CHD9: variants seen among roughly 807,000 people sequenced by gnomAD.
The protein encoded by CHD9 is chromodomain helicase DNA binding protein 9.
Under a neutral mutation model 316.1 loss-of-function variants are expected in CHD9, and 77 were observed. The observed-to-expected ratio is 0.24, with a 90% CI of 0.20 to 0.29. CHD9 has a LOEUF of 0.29. Among genes scored for constraint, CHD9 ranks in the 10% least tolerant of loss-of-function variants. The pLI is 1.00. For synonymous variants in CHD9, 1,129 were observed against 1,158.3 expected, an observed-to-expected ratio of 0.97 and a Z score of 0.51; for missense variants, 2,763 against 3,438.1, an observed-to-expected ratio of 0.80 and a Z score of 4.91.
intron 1 of CHD9, among the ~76,000 whole-genome samples, chr16:53,061,304 T>A (rs888057271): frequency 1.3e-5 from 2 of 152,256 alleles, no homozygotes; most frequent in African/African-American, 4.8e-5. Flanking sequence ...TTCATCTGAT[T>A]TGAGTCTTTA....
chr16:53,301,146 A>G (rs1203568206), intron 30 of CHD9, among the ~76,000 whole-genome samples: 1 of 152,236 alleles, frequency 6.6e-6, no homozygotes, highest in Non-Finnish European at 1.5e-5. Context: ...AATATAAAAT[A>G]AATGGGACAA....
intron 1 of CHD9, among the ~76,000 whole-genome samples, chr16:53,096,581 G>A (rs545363939): frequency 3.3e-5 from 5 of 152,276 alleles, no homozygotes; most frequent in Admixed American, 1.3e-4. Context: ...AGTAGTAAAT[G>A]ATAGAGCCAG....
chr16:53,139,720 G>A (rs949992244), intron 1 of CHD9, among the ~76,000 whole-genome samples: 2 of 152,102 alleles, frequency 1.3e-5, no homozygotes, highest in African/African-American at 2.4e-5. Flanking sequence ...ATATTCTTTC[G>A]AAATCCTGTG....
chr16:53,165,667 A>G (rs1302078489), intron 2 of CHD9, among the ~76,000 whole-genome samples: 3 of 152,120 alleles, frequency 2.0e-5, no homozygotes, highest in Admixed American at 1.3e-4. Flanking sequence ...TTAATTTTAT[A>G]TATATTAGTT....
At chr16:53,312,632 T>A (rs1169077949) in intron 34 of CHD9, among the ~76,000 whole-genome samples, 1 of 152,180 alleles carries the variant, frequency 6.6e-6, no homozygotes, top group Admixed American at 6.5e-5. Context: ...TCTTAAGTTA[T>A]GAAAAGCATC....
At chr16:53,264,355 G>A (rs1048224281) in intron 20 of CHD9, among the ~76,000 whole-genome samples, 2 of 151,894 alleles carry the variant, frequency 1.3e-5, no homozygotes, top group African/African-American at 4.8e-5. Context: ...AGCATTTTTT[G>A]TTATAGCAAA....
intron 1 of CHD9, among the ~76,000 whole-genome samples, chr16:53,114,004 T>C (rs2038074437): frequency 1.3e-5 from 2 of 151,998 alleles, no homozygotes; most frequent in South Asian, 4.2e-4. Context: ...ACCCAACCTT[T>C]ATTAACATAT....
intron 1 of CHD9, among the ~76,000 whole-genome samples, chr16:53,093,100 A>G (rs2036091421): frequency 6.6e-6 from 1 of 152,156 alleles, no homozygotes; most frequent in Admixed American, 6.5e-5. Flanking sequence ...TTAATATTGG[A>G]TTCTTGAAGA....
rs946833566 is a variant in CHD9 at position 53,245,330 on chromosome 16, T to C, written c.3055-6T>C. The C allele has an allele frequency of 9.9e-6, 15 of 1,509,576 alleles. No individual in the cohort carries two copies. The highest frequency in any genetic ancestry group is 1.3e-5 in the Non-Finnish European group (15 of 1,131,800). The allele number at this position is 1,509,576 out of a possible 1,614,324, so 93.5% of individuals were successfully genotyped here. ...GTTTGATGTGAATTGTTCTCACTTT[T>C]TGTAGGAACACAAGGTGCTTTTGAC... On this transcript the variant is annotated splice_polypyrimidine_tract_variant and splice_region_variant and intron_variant, in intron 13 of 38. Coordinates refer to ENST00000447540, the MANE Select transcript of CHD9 (RefSeq NM_001308319.2). The surrounding 1 kb of genome is among the most constrained non-coding windows in gnomAD (Gnocchi z 4.1).
chr16:53,323,483 A>G (rs2057398696), intron 38 of CHD9, among the ~76,000 whole-genome samples: 2 of 152,354 alleles, frequency 1.3e-5, no homozygotes, highest in South Asian at 2.1e-4. Context: ...ATGGTTCCCA[A>G]TCTGCAAGTG....
At position 53,292,876 on chromosome 16, in the gene CHD9, A is replaced by T. The variant is rs547867389; in HGVS notation, c.5334A>T (p.Gln1778His). The T allele has an allele frequency of 5.0e-6, 8 of 1,613,918 alleles. No homozygotes were observed. The South Asian group carries it at 5.5e-5, about 11-fold the overall frequency. The part of the protein sequence containing the change: ...MEGDKVYWPT[Q>H]SALTTRLRRL... ...GTGATAAAGTATATTGGCCTACTCA[A>T]TCAGCTTTAACCACACGTTTGAGGC... is the stretch of plus-strand genomic sequence containing the variant. The change falls in exon 29 of 39, where the codon CAA becomes CAT. Residue 1778 changes from glutamine (Q) to histidine (H), a missense_variant. Physicochemically the swap from Gln to His is conservative, Grantham distance 24. Around this residue, in one of 15 missense-constraint regions of CHD9, gnomAD observed 183 missense variants for 258.5 expected, o/e 0.71. Coordinates refer to ENST00000447540, the MANE Select transcript of CHD9 (RefSeq NM_001308319.2).
chr16:53,207,915 G>A (rs1357786231), intron 2 of CHD9: 1 of 374,590 alleles, frequency 2.7e-6, no homozygotes, highest in Non-Finnish European at 3.7e-6. Flanking sequence ...GAGTCTAATG[G>A]AATAATAACT....
intron 29 of CHD9, among the ~76,000 whole-genome samples, chr16:53,294,250 G>A (rs1300017979): frequency 6.6e-6 from 1 of 152,084 alleles, no homozygotes; most frequent in Admixed American, 6.5e-5. Context: ...TGTTACCCGG[G>A]TCCTTGGATG....
chr16:53,315,936 T>C (rs2056849108), intron 36 of CHD9, among the ~76,000 whole-genome samples: 3 of 152,106 alleles, frequency 2.0e-5, no homozygotes, highest in Non-Finnish European at 4.4e-5. Context: ...AGATGCACAA[T>C]GAGTTTATTT....
chr16:53,159,554 A>G (rs1255199201), intron 2 of CHD9, among the ~76,000 whole-genome samples: 1 of 152,104 alleles, frequency 6.6e-6, no homozygotes, highest in Non-Finnish European at 1.5e-5. Context: ...TAAAGCCTTG[A>G]AGTATTTGAA....
chr16:53,244,911 G>A (rs143886783), intron 13 of CHD9, among the ~76,000 whole-genome samples: 7 of 152,088 alleles, frequency 4.6e-5, no homozygotes, highest in East Asian at 1.9e-4. Flanking sequence ...CCTGGAGCCC[G>A]AGACCAGCTG....
At chr16:53,250,474 T>C (rs1385351658) in intron 17 of CHD9, 1 of 155,192 alleles carries the variant, frequency 6.4e-6, no homozygotes, top group Admixed American at 6.3e-5. Flanking sequence ...CCTGATATTT[T>C]TATAGTTTAA....
chr16:53,151,570 T>C (rs1214337279), intron 1 of CHD9, among the ~76,000 whole-genome samples: 1 of 152,128 alleles, frequency 6.6e-6, no homozygotes, highest in Non-Finnish European at 1.5e-5. Context: ...CATTATTTTT[T>C]CTTTGTGATC....
At chr16:53,317,845 A>G (rs1040611740) in intron 36 of CHD9, among the ~76,000 whole-genome samples, 25 of 152,232 alleles carry the variant, frequency 1.6e-4, no homozygotes, top group African/African-American at 6.0e-4. Context: ...CTTGAGCCCA[A>G]GAGTTCAAGA....
Sources: allele counts gnomAD v4.1 joint callset (sites outside exome capture counted in the v4.1 genomes callset), GRCh38; gene constraint gnomAD v4.1.1; regional missense constraint gnomAD v4.1.1; non-coding constraint Gnocchi (gnomAD v3.1); transcripts MANE v1.5; gene names NCBI Gene and HGNC (gene_info 2026-07-23, HGNC 2026-07-21).